C19orf44: variants seen among roughly 807,000 people sequenced by gnomAD.
C19orf44 encodes the protein uncharacterized protein C19orf44.
Under a neutral mutation model 50.7 loss-of-function variants are expected in C19orf44, and 43 were observed. The ratio of observed to expected loss-of-function variants is 0.85; its 90% CI spans 0.66 to 1.09. The LOEUF (loss-of-function observed/expected upper bound fraction) is 1.09, where lower values mean the gene tolerates loss of function less well. Among genes scored for constraint, C19orf44 ranks in the 50% least tolerant of loss-of-function variants. C19orf44 has a pLI of 0.00. For missense variants in C19orf44, 722 were observed against 836.2 expected (o/e 0.86, Z 1.68); for synonymous variants, 298 against 334.7 (o/e 0.89, Z 1.20).
intron 5 of C19orf44, among the ~76,000 whole-genome samples, chr19:16,511,090 G>A (rs1482823753): frequency 1.3e-5 from 2 of 151,342 alleles, no homozygotes; most frequent in Admixed American, 1.3e-4. Flanking sequence ...AGGCTGGAGT[G>A]TAGTGGTGCG....
chr19:16,520,376 C>T lies in C19orf44; in HGVS notation c.*323C>T, dbSNP rs369466742. On this transcript the variant is annotated 3_prime_UTR_variant, in exon 9 of 9. Coordinates refer to ENST00000221671, the MANE Select transcript of C19orf44 (RefSeq NM_032207.4). This position sits in a 1 kb window ranked among gnomAD's most constrained non-coding sequence, Gnocchi z 4.0. ...AGCCTCTGCCTACCTAGATCTGGAG[C>T]GGGAGTAGGAACGGGAGCAGGAGCG... 1.9e-5 allele frequency: 30 copies of T among 1,613,540 alleles called. No individual in the cohort carries two copies. Among genetic ancestry groups the T allele is most frequent in the African/African-American group, 6.7e-5 (5 of 74,798 alleles).
intron 3 of C19orf44, among the ~76,000 whole-genome samples, chr19:16,505,222 G>GT (rs1033630282): frequency 2.9e-4 from 38 of 130,910 alleles, no homozygotes; most frequent in East Asian, 7.2e-4. Context: ...TCTTCTGTCT[G>GT]TTTTTTTTTT....
Position 16,520,205 on chromosome 19 carries a change from G to A in C19orf44, c.*152G>A. On this transcript the variant is annotated 3_prime_UTR_variant, in exon 9 of 9. Coordinates refer to ENST00000221671, the MANE Select transcript of C19orf44 (RefSeq NM_032207.4). This position sits in a 1 kb window ranked among gnomAD's most constrained non-coding sequence, Gnocchi z 4.0. ...GTCTTCTTCCTGGGGAGTACGACTT[G>A]GACCGGGACCGCGACTGGGACCGGG... The A allele has an allele frequency of 1.9e-6, 3 of 1,613,400 alleles. No individual in the cohort carries two copies. Among genetic ancestry groups the A allele is most frequent in the Non-Finnish European group, 1.7e-6 (2 of 1,180,026 alleles).
At position 16,513,004 on chromosome 19, in the gene C19orf44, C is replaced by A. The variant is rs764459576; in HGVS notation, c.1640-10C>A. The A allele has an allele frequency of 2.4e-5, 38 of 1,611,302 alleles. No individual in the cohort carries two copies. Among genetic ancestry groups the A allele is most frequent in the Non-Finnish European group, 3.0e-5 (35 of 1,179,624 alleles). ...CTGCCTGCTTACCCCTCTCTTTGTC[C>A]CCGAGATAGTGGCCAGCATGGCAGC... On this transcript the variant is annotated splice_polypyrimidine_tract_variant and intron_variant, in intron 5 of 8. Coordinates refer to ENST00000221671, the MANE Select transcript of C19orf44 (RefSeq NM_032207.4).
In C19orf44 at chr19:16,501,892, GTGACTGGCTACTTTT is replaced by G. The variant is rs1371128697; in HGVS notation, c.759+343_759+357del. On this transcript the variant is annotated intron_variant, in intron 2 of 8. Coordinates refer to ENST00000221671, the MANE Select transcript of C19orf44 (RefSeq NM_032207.4). ...AGGCATGAGCCACCATGCCCGGCCG[GTGACTGGCTACTTTT>G]TTGTATTTTTTTTTTTTTTGAGACC... 2.1e-5 allele frequency among the ~76,000 whole-genome samples: 3 copies of G among 143,034 alleles called. No homozygotes were observed. In the East Asian group the frequency reaches 6.4e-4, roughly 30 times the overall value. The allele number at this position is 143,034 out of a possible 152,430, so 93.8% of individuals were successfully genotyped here. A position where few individuals can be genotyped will look rare whatever the true frequency, so the allele number is the denominator to read the frequency against.
At position 16,517,319 on chromosome 19, in the gene C19orf44, T is replaced by C; in HGVS notation, c.*18T>C. ...AGCTGTGAGCGCCAGCAGGTGGAGC[T>C]TGACGTGACGTCTTAACAAAAGGTA... On this transcript the variant is annotated 3_prime_UTR_variant, in exon 8 of 9. Coordinates refer to ENST00000221671, the MANE Select transcript of C19orf44 (RefSeq NM_032207.4). The C allele has an allele frequency of 6.2e-7, 1 of 1,611,926 alleles. No individual in the cohort carries two copies. The highest frequency in any genetic ancestry group is 1.1e-5 in the South Asian group (1 of 90,972).
chr19:16,497,568 C>G (rs1057500953), intron 1 of C19orf44, among the ~76,000 whole-genome samples: 2 of 151,844 alleles, frequency 1.3e-5, no homozygotes, highest in African/African-American at 4.8e-5. Flanking sequence ...TCAGGCTGGT[C>G]TCGATCTCCT....
At chr19:16,507,373 T>C (rs367600756) in intron 4 of C19orf44, among the ~76,000 whole-genome samples, 2 of 152,220 alleles carry the variant, frequency 1.3e-5, no homozygotes, top group East Asian at 3.8e-4. Flanking sequence ...GTGATTTTTG[T>C]CCTGGTGGCC....
chr19:16,500,280 A>T (rs1197703906), intron 1 of C19orf44, among the ~76,000 whole-genome samples: 1 of 151,956 alleles, frequency 6.6e-6, no homozygotes, highest in Non-Finnish European at 1.5e-5. Flanking sequence ...GGGGCTTGTT[A>T]AATACAGGGA....
chr19:16,500,765 T>G, intron 1 of C19orf44, 27 bp from the exon 2 acceptor site: 1 of 1,539,120 alleles, frequency 6.5e-7, no homozygotes, highest in Non-Finnish European at 8.7e-7. Context: ...GGTACTCTTA[T>G]GCAAAATTGC....
intron 2 of C19orf44, among the ~76,000 whole-genome samples, chr19:16,502,299 C>T (rs1458941529): frequency 7.0e-6 from 1 of 142,878 alleles, no homozygotes; most frequent in Non-Finnish European, 1.5e-5. Flanking sequence ...GTGCAGTGGC[C>T]TGATCTCGGC....
chr19:16,518,631 G>T (rs1260127132), intron 8 of C19orf44: 1 of 154,240 alleles, frequency 6.5e-6, no homozygotes, highest in East Asian at 1.9e-4. Context: ...TCAAAGTTTT[G>T]TGTTTCTGTT....
intron 4 of C19orf44, among the ~76,000 whole-genome samples, chr19:16,508,677 C>G (rs2093447370): frequency 6.6e-6 from 1 of 152,108 alleles, no homozygotes; most frequent in African/African-American, 2.4e-5. Context: ...TGAGCCATTG[C>G]CCCCAGGCAT....
intron 1 of C19orf44, chr19:16,499,500 C>T: frequency 6.6e-6 from 1 of 151,970 alleles, no homozygotes; most frequent in Non-Finnish European, 1.5e-5. Context: ...TGGTCTCGAT[C>T]TCCTGACCTC....
rs1388754738 is a variant in C19orf44 at position 16,519,017 on chromosome 19, G to A, written c.*41-1077G>A. 2 of 798,842 alleles carry A rather than the reference G, an allele frequency of 2.5e-6. No individual in the cohort carries two copies. Among genetic ancestry groups the A allele is most frequent in the Non-Finnish European group, 3.9e-6 (2 of 513,042 alleles). The allele number at this position is 798,842 out of a possible 1,614,324, so 49.5% of individuals were successfully genotyped here. On this transcript the variant is annotated intron_variant, in intron 8 of 8. Transcript: ENST00000221671. This position sits in a 1 kb window ranked among gnomAD's most constrained non-coding sequence, Gnocchi z 6.0. ...CGGCGTTCCCACTGGGCATGCGCTG[G>A]TCTTCCTTCTCTTCCTGTGGCTCTC...
In C19orf44 at chr19:16,520,338, A is replaced by T. The variant is rs1227017763; in HGVS notation, c.*285A>T. ...GAGGCCACAGGAAGAGGCCTCAGGCACTGCCCTGAGGCAGCCTCTGCCTAC... is the reference window on the plus strand; with the variant it reads ...GAGGCCACAGGAAGAGGCCTCAGGCTCTGCCCTGAGGCAGCCTCTGCCTAC... On this transcript the variant is annotated 3_prime_UTR_variant, in exon 9 of 9. Coordinates refer to ENST00000221671, the MANE Select transcript of C19orf44 (RefSeq NM_032207.4). The surrounding 1 kb of genome is among the most constrained non-coding windows in gnomAD (Gnocchi z 4.0). The T allele has an allele frequency of 6.2e-7, 1 of 1,611,304 alleles. No homozygotes were observed. The highest frequency in any genetic ancestry group is 1.7e-5 in the Admixed American group (1 of 59,890).
At chr19:16,507,455 T>C (rs185261629) in intron 4 of C19orf44, among the ~76,000 whole-genome samples, 169 of 151,266 alleles carry the variant, frequency 1.1e-3, no homozygotes, top group African/African-American at 3.9e-3. Flanking sequence ...AAATATTTAT[T>C]GTTTTTATTT....
At chr19:16,505,275 G>A (rs957572640) in intron 3 of C19orf44, among the ~76,000 whole-genome samples, 52 of 151,084 alleles carry the variant, frequency 3.4e-4, no homozygotes, top group Middle Eastern at 6.9e-3. Flanking sequence ...GTGCAATGGC[G>A]TGATCTTGGC....
intron 1 of C19orf44, among the ~76,000 whole-genome samples, chr19:16,498,876 T>TGATC: frequency 2.0e-5 from 3 of 151,566 alleles, no homozygotes; most frequent in African/African-American, 7.3e-5. Context: ...TTCACTGTGT[T>TGATC]AGCCAGGATG....
Sources: gnomAD v4.1 joint callset for allele counts (sites outside exome capture counted in the v4.1 genomes callset) on GRCh38, gnomAD v4.1.1 for gene constraint, Gnocchi (gnomAD v3.1) non-coding constraint, MANE v1.5 for transcripts, NCBI Gene and HGNC (gene_info 2026-07-23, HGNC 2026-07-21) for gene names.